The following TUSC3 variants were observed in gnomAD, a reference collection of about 807,000 sequenced individuals.
TUSC3 encodes tumor suppressor candidate 3, also known as dolichyl-diphosphooligosaccharide--protein glycosyltransferase subunit TUSC3.
A neutral mutation model predicts 44.8 loss-of-function variants in TUSC3; 45 were observed. The observed-to-expected ratio is 1.00, with a 90% CI of 0.79 to 1.29. The LOEUF (loss-of-function observed/expected upper bound fraction) is 1.29, where lower values mean the gene tolerates loss of function less well. TUSC3 is among the 50% of genes most tolerant of loss of function. The pLI, the probability that TUSC3 is intolerant of heterozygous loss-of-function variation, is 0.00. For missense variants in TUSC3, 519 were observed against 437.9 expected (o/e 1.19, Z -1.65); for synonymous variants, 212 against 152.9 (o/e 1.39, Z -2.85).
chr8:15,624,226 A>G (rs564693233), intron 2 of TUSC3, among the ~76,000 whole-genome samples: 1 of 152,348 alleles, frequency 6.6e-6, no homozygotes, highest in South Asian at 2.1e-4. Context: ...TTTATTTGTT[A>G]AAGGAATCGG....
intron 1 of TUSC3, among the ~76,000 whole-genome samples, chr8:15,565,662 A>T (rs553791281): frequency 6.6e-6 from 1 of 152,220 alleles, no homozygotes; most frequent in South Asian, 2.1e-4. Flanking sequence ...TTTAAGCTTC[A>T]TCTGATTCTC....
At chr8:15,784,096 A>C in the TUSC3 span, among the ~76,000 whole-genome samples, 1 of 152,236 alleles carries the variant, frequency 6.6e-6, no homozygotes, top group Non-Finnish European at 1.5e-5. Flanking sequence ...ATATGAAAAA[A>C]TGCTCGACAA....
chr8:15,567,413 A>G (rs17657859), intron 1 of TUSC3, among the ~76,000 whole-genome samples: 4,773 of 152,228 alleles, frequency 0.031, 262 homozygotes, highest in East Asian at 0.26. Flanking sequence ...ATATCTTCAA[A>G]TCATCCATGG....
chr8:15,555,237 C>T (rs1344275336), intron 1 of TUSC3, among the ~76,000 whole-genome samples: 1 of 133,416 alleles, frequency 7.5e-6, no homozygotes, highest in African/African-American at 2.9e-5. Flanking sequence ...CAACCTCTGC[C>T]TCCTTGGCCC....
chr8:15,467,336 C>T (rs977742379), intron 1 of TUSC3, among the ~76,000 whole-genome samples: 1 of 151,032 alleles, frequency 6.6e-6, no homozygotes, highest in Non-Finnish European at 1.5e-5. Context: ...CACAATAATC[C>T]TCCTACATCT....
At chr8:15,804,897 C>G in the TUSC3 span, among the ~76,000 whole-genome samples, 1 of 152,024 alleles carries the variant, frequency 6.6e-6, no homozygotes, top group African/African-American at 2.4e-5. Flanking sequence ...AGGAATGGCA[C>G]TGAATTTGTA....
chr8:15,518,007 C>A (rs544281833), intron 2 of TUSC3, among the ~76,000 whole-genome samples: 1 of 151,614 alleles, frequency 6.6e-6, no homozygotes, highest in Admixed American at 6.6e-5. Flanking sequence ...CATACACATT[C>A]GCACCTGTTC....
At chr8:15,625,641 T>G (rs1435742795) in intron 2 of TUSC3, among the ~76,000 whole-genome samples, 5 of 152,232 alleles carry the variant, frequency 3.3e-5, no homozygotes, top group Non-Finnish European at 5.9e-5. Flanking sequence ...TAGACTTGGT[T>G]TAGGCTTCTA....
intron 1 of TUSC3, among the ~76,000 whole-genome samples, chr8:15,553,613 C>G (rs1311277938): frequency 1.3e-5 from 2 of 151,432 alleles, no homozygotes; most frequent in Non-Finnish European, 3.0e-5. Context: ...CTGAACAGTT[C>G]TTCGGATTTA....
At chr8:15,716,770 T>A (rs556241323) in intron 6 of TUSC3, among the ~76,000 whole-genome samples, 8 of 152,274 alleles carry the variant, frequency 5.3e-5, no homozygotes, top group African/African-American at 1.9e-4. Context: ...TAACTGGTTT[T>A]ATTAATTTTA....
intron 8 of TUSC3, among the ~76,000 whole-genome samples, chr8:15,746,169 G>A (rs1292961907): frequency 6.6e-6 from 1 of 151,906 alleles, no homozygotes; most frequent in Non-Finnish European, 1.5e-5. Flanking sequence ...CTGTCTTAAG[G>A]TAAATAAGAA....
intron 1 of TUSC3, among the ~76,000 whole-genome samples, chr8:15,562,895 G>T (rs889928284): frequency 6.6e-6 from 1 of 152,078 alleles, no homozygotes; most frequent in Admixed American, 6.6e-5. Context: ...AAATAACTCA[G>T]AGTTAATAGA....
chr8:15,424,109 G>C (rs973882495), intron 1 of TUSC3, among the ~76,000 whole-genome samples: 1 of 148,864 alleles, frequency 6.7e-6, no homozygotes, highest in African/African-American at 2.5e-5. Context: ...TCCTGCCTCA[G>C]CCTTCCAAGT....
At chr8:15,679,223 G>T (rs1336900614) in intron 6 of TUSC3, among the ~76,000 whole-genome samples, 4 of 151,962 alleles carry the variant, frequency 2.6e-5, no homozygotes, top group South Asian at 4.1e-4. Flanking sequence ...ATTCCCAGCA[G>T]TGGTGTATAA....
At chr8:15,474,179 A>G (rs1845608) in intron 1 of TUSC3, among the ~76,000 whole-genome samples, 81,802 of 151,960 alleles carry the variant, frequency 0.54, 23,335 homozygotes, top group East Asian at 0.76. Flanking sequence ...GCCCGACCTC[A>G]CAGGCAGTCA....
At chr8:15,776,565 T>C in the TUSC3 span, among the ~76,000 whole-genome samples, 4 of 152,138 alleles carry the variant, frequency 2.6e-5, no homozygotes, top group Admixed American at 6.6e-5. Flanking sequence ...TAAAACTTCA[T>C]TGTGTTACTA....
intron 1 of TUSC3, among the ~76,000 whole-genome samples, chr8:15,596,134 A>G (rs867611940): frequency 2.6e-5 from 4 of 152,336 alleles, no homozygotes; most frequent in Middle Eastern, 3.4e-3. Context: ...AAATTTAAGT[A>G]TTCTTTCCTA....
upstream of TUSC3, among the ~76,000 whole-genome samples, chr8:15,536,681 C>CAAAAAAAAAAAAAAAAAAAA (rs570573410): frequency 4.4e-5 from 2 of 45,572 alleles, no homozygotes; most frequent in Non-Finnish European, 8.7e-5. Flanking sequence ...GATTCCGTCT[C>CAAAAAAAAAAAAAAAAAAAA]AAAAAAAAAA....
chr8:15,683,468 A>G (rs556738032), intron 6 of TUSC3, among the ~76,000 whole-genome samples: 24 of 151,994 alleles, frequency 1.6e-4, no homozygotes, highest in Non-Finnish European at 3.2e-4. Flanking sequence ...TGAAATTCCT[A>G]TGGTGGATTT....
Sources: gnomAD v4.1 joint callset for allele counts (sites outside exome capture counted in the v4.1 genomes callset) on GRCh38, gnomAD v4.1.1 for gene constraint, MANE v1.5 for transcripts, NCBI Gene and HGNC (gene_info 2026-07-23, HGNC 2026-07-21) for gene names.